Variants in CSMD1 observed in about 807,000 individuals in gnomAD.
CSMD1 encodes the protein CUB and sushi domain-containing protein 1.
In CSMD1, 213 loss-of-function variants were observed where a neutral mutation model predicts 417.5. That is an observed-to-expected ratio of 0.51 (90% confidence interval 0.46 to 0.57). The LOEUF is 0.57. CSMD1 is among the 20% of genes least tolerant of loss of function. The pLI, the probability that CSMD1 is intolerant of heterozygous loss-of-function variation, is 0.00. For synonymous variants in CSMD1, 2,862 were observed against 1,736.8 expected (o/e 1.65, Z -16.11); for missense variants, 6,923 against 4,529.7 (o/e 1.53, Z -15.17).
rs572298525 is a variant in CSMD1, at chr8:4,538,409, G to A, written c.302+98933C>T. On this transcript the variant is annotated intron_variant, in intron 2 of 69. Transcript: ENST00000635120. ...TGTAATCCAAGCACTTTGGGAGGCC[G>A]AGGCAGGGAGATCACCTGAGATCAG... Among the ~76,000 whole-genome samples, 15 of 152,102 alleles carry A rather than the reference G, an allele frequency of 9.9e-5. No homozygotes were observed. The East Asian group carries it at 1.9e-3, about 20-fold the overall frequency.
chr8:4,133,721 C>A (rs991481664), intron 3 of CSMD1, among the ~76,000 whole-genome samples: 8 of 151,672 alleles, frequency 5.3e-5, no homozygotes, highest in Middle Eastern at 3.4e-3. Context: ...AATCTCAAGA[C>A]TGTTTATGGT....
In CSMD1 at chr8:3,772,387, T is replaced by TTA. The variant is rs1563064137; in HGVS notation, c.819-18347_819-18346dup. On this transcript the variant is annotated intron_variant, in intron 5 of 69. Coordinates refer to ENST00000635120, the MANE Select transcript of CSMD1 (RefSeq NM_033225.6). ...TACATATATACATATATTCATATAT[T>TTA]TATATATACACATATATACATATAT... 4.6e-5 allele frequency among the ~76,000 whole-genome samples: 5 copies of TTA among 109,148 alleles called. 1 individual carries two copies. Among genetic ancestry groups the TTA allele is most frequent in the Admixed American group, 9.5e-5 (1 of 10,472 alleles). 71.6% of individuals were successfully genotyped at this position (109,148 alleles called of 152,430 possible). A position where few individuals can be genotyped will look rare whatever the true frequency, so the allele number is the denominator to read the frequency against.
chr8:3,671,982 T>C (rs1799094978), intron 7 of CSMD1, among the ~76,000 whole-genome samples: 1 of 152,160 alleles, frequency 6.6e-6, no homozygotes, highest in Non-Finnish European at 1.5e-5. Context: ...TATGTTGCAA[T>C]ACTTAAACAA....
At chr8:4,012,521 A>T (rs1816623210) in intron 4 of CSMD1, among the ~76,000 whole-genome samples, 2 of 152,058 alleles carry the variant, frequency 1.3e-5, no homozygotes, top group Non-Finnish European at 2.9e-5. Flanking sequence ...CATGATCCCT[A>T]CACCCAGGTA....
intron 5 of CSMD1, among the ~76,000 whole-genome samples, chr8:3,996,383 A>G (rs547431526): frequency 9.2e-5 from 14 of 152,352 alleles, no homozygotes; most frequent in Non-Finnish European, 1.5e-4. Flanking sequence ...TCACTTGAAT[A>G]TCTTTAAATG....
At position 3,704,339 on chromosome 8, in the gene CSMD1, T is replaced by C. The variant is rs547057761; in HGVS notation, c.1009+4075A>G. Reference sequence around the variant, plus strand: ...GAGCTCCCAGGAAAAATTTCCTCCCTTTTTCAGGCATATACCCAGTGGGCT... The same window carrying C: ...GAGCTCCCAGGAAAAATTTCCTCCCCTTTTCAGGCATATACCCAGTGGGCT... On this transcript the variant is annotated intron_variant, in intron 7 of 69. Coordinates refer to ENST00000635120, the MANE Select transcript of CSMD1 (RefSeq NM_033225.6). Among the ~76,000 whole-genome samples the C allele has an allele frequency of 1.2e-3, 178 of 152,214 alleles. 1 individual carries two copies. The highest frequency in any genetic ancestry group is 4.1e-3 in the African/African-American group (172 of 41,530).
At chr8:3,144,499 G>A (rs930035569) in intron 40 of CSMD1, among the ~76,000 whole-genome samples, 1 of 152,028 alleles carries the variant, frequency 6.6e-6, no homozygotes, top group African/African-American at 2.4e-5. Flanking sequence ...TTTTTAGAAT[G>A]AGTAACTAGA....
At chr8:4,548,626 T>C (rs541306201) in intron 2 of CSMD1, among the ~76,000 whole-genome samples, 1 of 152,342 alleles carries the variant, frequency 6.6e-6, no homozygotes, top group South Asian at 2.1e-4. Flanking sequence ...ATGGCTTTTT[T>C]TCCCCACAGA....
chr8:3,735,102 T>C (rs944111836), intron 6 of CSMD1, among the ~76,000 whole-genome samples: 1 of 152,194 alleles, frequency 6.6e-6, no homozygotes, highest in Admixed American at 6.5e-5. Flanking sequence ...GTGAAACAGG[T>C]ACATTTGCAA....
At chr8:4,431,147 G>C (rs1015414499) in intron 2 of CSMD1, among the ~76,000 whole-genome samples, 1 of 152,026 alleles carries the variant, frequency 6.6e-6, no homozygotes, top group Non-Finnish European at 1.5e-5. Flanking sequence ...GGCTCTAAAT[G>C]ATTTGCTCAA....
intron 3 of CSMD1, among the ~76,000 whole-genome samples, chr8:4,321,416 C>T (rs1799269460): frequency 6.6e-6 from 1 of 152,142 alleles, no homozygotes; most frequent in Non-Finnish European, 1.5e-5. Flanking sequence ...AAACCTGCTG[C>T]TCCCACTTAT....
chr8:3,107,711 G>T lies in CSMD1; in HGVS notation c.6835+7C>A. On this transcript the variant is annotated splice_region_variant and intron_variant, in intron 45 of 69. Coordinates refer to ENST00000635120, the MANE Select transcript of CSMD1 (RefSeq NM_033225.6). The stretch of plus-strand genomic sequence containing the variant: ...AATTCATGGTATTGTAATGAAGAAA[G>T]TATTACCTATTTCGAAATCATCATC... The T allele has an allele frequency of 6.6e-7, 1 of 1,522,490 alleles. No individual in the cohort carries two copies. The highest frequency in any genetic ancestry group is 9.0e-7 in the Non-Finnish European group (1 of 1,106,528). The allele number at this position is 1,522,490 out of a possible 1,614,324, so 94.3% of individuals were successfully genotyped here.
At chr8:4,924,106 C>T (rs1404563600) in intron 1 of CSMD1, among the ~76,000 whole-genome samples, 2 of 152,156 alleles carry the variant, frequency 1.3e-5, no homozygotes, top group Non-Finnish European at 2.9e-5. Flanking sequence ...ATGATTCTGA[C>T]AATGTAAATC....
chr8:3,766,313 C>T (rs1798263810), intron 5 of CSMD1, among the ~76,000 whole-genome samples: 1 of 152,148 alleles, frequency 6.6e-6, no homozygotes, highest in African/African-American at 2.4e-5. Flanking sequence ...ACGCAGATCA[C>T]ACTGGTATTA....
chr8:4,451,239 G>T lies in CSMD1; in HGVS notation c.303-31174C>A, dbSNP rs188346619. On this transcript the variant is annotated intron_variant, in intron 2 of 69. Coordinates refer to ENST00000635120, the MANE Select transcript of CSMD1 (RefSeq NM_033225.6). The stretch of plus-strand genomic sequence containing the variant: ...TCAACTACTTGGGAGGCTAAGGAGG[G>T]AAGATGGCTTGAGCCCAGGAGGTCC... Among the ~76,000 whole-genome samples, 250 of 152,216 alleles carry T rather than the reference G, an allele frequency of 1.6e-3. 1 individual carries two copies. The highest frequency in any genetic ancestry group is 5.6e-3 in the African/African-American group (234 of 41,536).
chr8:2,994,830 T>C (rs1400407385), intron 54 of CSMD1, among the ~76,000 whole-genome samples: 1 of 152,208 alleles, frequency 6.6e-6, no homozygotes, highest in Non-Finnish European at 1.5e-5. Context: ...TAAATTACCA[T>C]ATTAAAACCA....
At chr8:4,030,967 T>C (rs115874841) in intron 4 of CSMD1, among the ~76,000 whole-genome samples, 1 of 152,152 alleles carries the variant, frequency 6.6e-6, no homozygotes, top group Non-Finnish European at 1.5e-5. Flanking sequence ...AGAATCACCT[T>C]TGGTCCAGTT....
At chr8:4,432,897 G>A (rs963143835) in intron 2 of CSMD1, among the ~76,000 whole-genome samples, 1 of 152,228 alleles carries the variant, frequency 6.6e-6, no homozygotes, top group Non-Finnish European at 1.5e-5. Context: ...ATCAAGGGGT[G>A]AGCAGCAGAA....
rs79780971 is a variant in CSMD1, at chr8:4,268,194, A to G, written c.415+151759T>C. On this transcript the variant is annotated intron_variant, in intron 3 of 69. Coordinates refer to ENST00000635120, the MANE Select transcript of CSMD1 (RefSeq NM_033225.6). ...AATTTGGACTCTGTATCAACTCACC[A>G]TAAAGGATTATCATCCTGTTTAAAG... Among the ~76,000 whole-genome samples the G allele has an allele frequency of 2.5e-3, 377 of 152,310 alleles. 4 individuals are homozygous for G. Among genetic ancestry groups the G allele is most frequent in the African/African-American group, 8.5e-3 (353 of 41,584 alleles).
Sources: gnomAD v4.1 joint callset for allele counts (sites outside exome capture counted in the v4.1 genomes callset) on GRCh38, gnomAD v4.1.1 for gene constraint, MANE v1.5 for transcripts, NCBI Gene and HGNC (gene_info 2026-07-23, HGNC 2026-07-21) for gene names.